PTPRT: variants seen among roughly 807,000 people sequenced by gnomAD.
PTPRT encodes the protein receptor-type tyrosine-protein phosphatase T.
A neutral mutation model predicts 176.8 loss-of-function variants in PTPRT; 56 were observed. That is an observed-to-expected ratio of 0.32 (90% CI 0.26 to 0.40). The LOEUF (loss-of-function observed/expected upper bound fraction) is 0.40. Ranked by LOEUF, PTPRT falls within the 10% of genes least tolerant of loss-of-function variation. The probability of loss-of-function intolerance (pLI) is 1.00; values close to 1 mark genes in which losing one functional copy is unlikely to be tolerated. For synonymous variants in PTPRT, 783 were observed against 739.0 expected, an observed-to-expected ratio of 1.06 and a Z score of -0.96; for missense variants, 1,540 against 1,908.2, an observed-to-expected ratio of 0.81 and a Z score of 3.60.
chr20:42,875,059 C>T (rs2078908336), intron 2 of PTPRT, among the ~76,000 whole-genome samples: 1 of 152,120 alleles, frequency 6.6e-6, no homozygotes, highest in Admixed American at 6.5e-5. Context: ...TTGAACGATG[C>T]CAGTCTCCAT....
At chr20:42,726,167 C>CAGAG (rs2076378334) in intron 6 of PTPRT, among the ~76,000 whole-genome samples, 1 of 151,684 alleles carries the variant, frequency 6.6e-6, no homozygotes, top group African/African-American at 2.4e-5. Context: ...GCAACCTCTG[C>CAGAG]GTCCCAGGTT....
intron 9 of PTPRT, among the ~76,000 whole-genome samples, chr20:42,385,456 G>A (rs2058735920): frequency 6.6e-6 from 1 of 152,194 alleles, no homozygotes; most frequent in African/African-American, 2.4e-5. Flanking sequence ...GCTGGGTAGA[G>A]GGAGGACATG....
intron 2 of PTPRT, among the ~76,000 whole-genome samples, chr20:42,870,001 G>C (rs544403452): frequency 1.3e-5 from 2 of 151,970 alleles, no homozygotes; most frequent in African/African-American, 4.8e-5. Context: ...AATAGAAATG[G>C]GGTCCTCATC....
intron 1 of PTPRT, among the ~76,000 whole-genome samples, chr20:42,982,175 G>A (rs922450895): frequency 2.0e-5 from 3 of 152,164 alleles, no homozygotes; most frequent in Non-Finnish European, 1.5e-5. Flanking sequence ...TTGACGAAGA[G>A]GTGTCATCCA....
At chr20:42,904,017 A>G (rs2079442074) in intron 1 of PTPRT, among the ~76,000 whole-genome samples, 1 of 152,212 alleles carries the variant, frequency 6.6e-6, no homozygotes, top group Non-Finnish European at 1.5e-5. Flanking sequence ...AATTTCAAAG[A>G]GAGATGGTAG....
chr20:42,234,114 G>A (rs1368483121), intron 15 of PTPRT, among the ~76,000 whole-genome samples: 1 of 152,098 alleles, frequency 6.6e-6, no homozygotes, highest in Non-Finnish European at 1.5e-5. Flanking sequence ...CATACCCTAA[G>A]AGGCCCTGGA....
At chr20:42,693,127 G>A (rs887050527) in intron 6 of PTPRT, among the ~76,000 whole-genome samples, 4 of 152,120 alleles carry the variant, frequency 2.6e-5, no homozygotes, top group African/African-American at 7.2e-5. Context: ...AATATCTGGG[G>A]ATGTATATAT....
chr20:43,134,007 A>C (rs17812969), intron 1 of PTPRT, among the ~76,000 whole-genome samples: 5,038 of 152,274 alleles, frequency 0.033, 123 homozygotes, highest in Non-Finnish European at 0.052. Flanking sequence ...ATAATGGGTA[A>C]ATCAGGCTGA....
chr20:42,199,904 T>C (rs1239443787), intron 15 of PTPRT, among the ~76,000 whole-genome samples: 3 of 152,104 alleles, frequency 2.0e-5, no homozygotes, highest in East Asian at 1.9e-4. Flanking sequence ...GAAGGAAATT[T>C]AGAGCTGAAT....
chr20:42,698,298 A>G (rs2075915766), intron 6 of PTPRT, among the ~76,000 whole-genome samples: 1 of 152,198 alleles, frequency 6.6e-6, no homozygotes, highest in East Asian at 1.9e-4. Flanking sequence ...TCCTTTACAG[A>G]CAAGAAGCAT....
chr20:42,638,884 G>T (rs945273265), intron 7 of PTPRT, among the ~76,000 whole-genome samples: 3 of 152,000 alleles, frequency 2.0e-5, no homozygotes, highest in Non-Finnish European at 4.4e-5. Flanking sequence ...ATAAACCCAT[G>T]AATTAATGGA....
At chr20:43,047,420 C>CG (rs1986881563) in intron 1 of PTPRT, among the ~76,000 whole-genome samples, 1 of 152,108 alleles carries the variant, frequency 6.6e-6, no homozygotes, top group African/African-American at 2.4e-5. Context: ...GGCAAAGTGG[C>CG]TCTCTTCCAA....
At chr20:43,014,734 T>C (rs1189969664) in intron 1 of PTPRT, among the ~76,000 whole-genome samples, 1 of 152,244 alleles carries the variant, frequency 6.6e-6, no homozygotes, top group Non-Finnish European at 1.5e-5. Flanking sequence ...GCAGTGTTTG[T>C]GCATATTAAT....
intron 17 of PTPRT, 77 bp downstream of exon 17, chr20:42,161,275 C>G (rs544239881): frequency 6.4e-7 from 1 of 1,560,726 alleles, no homozygotes; most frequent in African/African-American, 1.4e-5. Flanking sequence ...GGGAGCCATA[C>G]TTTTTGTAGC....
intron 7 of PTPRT, among the ~76,000 whole-genome samples, chr20:42,559,190 T>A (rs1056305552): frequency 3.3e-5 from 5 of 152,176 alleles, no homozygotes; most frequent in African/African-American, 1.2e-4. Context: ...TTGAGCAGGA[T>A]TTAATGTTTA....
At chr20:42,236,882 C>T (rs181269118) in intron 14 of PTPRT, among the ~76,000 whole-genome samples, 1 of 152,206 alleles carries the variant, frequency 6.6e-6, no homozygotes, top group South Asian at 2.1e-4. Flanking sequence ...AGAGTCAGGA[C>T]TGACCCTGTG....
intron 1 of PTPRT, among the ~76,000 whole-genome samples, chr20:43,113,508 G>A (rs556229747): frequency 6.6e-6 from 1 of 152,084 alleles, no homozygotes; most frequent in Non-Finnish European, 1.5e-5. Context: ...CTGTGTGACA[G>A]AGTTTAGAAC....
chr20:42,105,903 A>G (rs76062294), intron 24 of PTPRT, among the ~76,000 whole-genome samples: 5,403 of 152,282 alleles, frequency 0.035, 168 homozygotes, highest in Middle Eastern at 0.068. Flanking sequence ...TCGCCCAGGC[A>G]CCCAGAGCCT....
chr20:42,575,266 C>G (rs1433670344), intron 7 of PTPRT, among the ~76,000 whole-genome samples: 2 of 152,114 alleles, frequency 1.3e-5, no homozygotes, highest in Non-Finnish European at 2.9e-5. Flanking sequence ...AAAGCAAGGT[C>G]AAGGTTTTGG....
Sources: allele counts gnomAD v4.1 joint callset (sites outside exome capture counted in the v4.1 genomes callset), GRCh38; gene constraint gnomAD v4.1.1; transcripts MANE v1.5; gene names NCBI Gene and HGNC (gene_info 2026-07-23, HGNC 2026-07-21).